Variants in OSTN observed in about 807,000 individuals in gnomAD.
OSTN encodes the protein osteocrin.
OSTN carries 9 observed loss-of-function variants against 12.0 expected under a neutral mutation model. That is an observed-to-expected ratio of 0.75 (90% CI 0.45 to 1.30). The LOEUF (loss-of-function observed/expected upper bound fraction) is 1.30, where lower values mean the gene tolerates loss of function less well. Among genes scored for constraint, OSTN ranks in the 50% most tolerant of loss-of-function variants. The pLI is 0.00. For missense variants in OSTN, 148 were observed against 152.3 expected (o/e 0.97, Z 0.15); for synonymous variants, 59 against 56.9 (o/e 1.04, Z -0.16).
At chr3:191,259,099 T>C (rs2108556784) in intron 4 of OSTN, among the ~76,000 whole-genome samples, 1 of 152,256 alleles carries the variant, frequency 6.6e-6, no homozygotes. Flanking sequence ...TTAAGGAGTG[T>C]GAGCTGTTAG....
intron 4 of OSTN, among the ~76,000 whole-genome samples, chr3:191,256,901 G>T (rs1051448401): frequency 2.6e-5 from 4 of 151,944 alleles, no homozygotes; most frequent in Non-Finnish European, 5.9e-5. Flanking sequence ...AAAAACCAAG[G>T]TTGGGTGTTG....
intron 3 of OSTN, 127 bp from the exon 4 acceptor site, chr3:191,249,910 G>T: frequency 1.5e-6 from 1 of 670,734 alleles, no homozygotes; most frequent in Non-Finnish European, 2.7e-6. Flanking sequence ...GAGTACTGGT[G>T]AGTGGGAACT....
intron 2 of OSTN, among the ~76,000 whole-genome samples, chr3:191,214,029 A>G (rs534781546): frequency 2.6e-4 from 40 of 152,308 alleles, no homozygotes; most frequent in African/African-American, 8.2e-4. Flanking sequence ...GATTTGTGCT[A>G]TAAGTAATAA....
intron 3 of OSTN, among the ~76,000 whole-genome samples, chr3:191,232,911 G>A (rs143788701): frequency 4.6e-5 from 7 of 152,066 alleles, no homozygotes; most frequent in Admixed American, 6.5e-5. Context: ...CACTGCGTTC[G>A]GTCATAAATG....
rs1196124878 is a variant in OSTN, at chr3:191,264,255, T to G, written c.*1402T>G. ...CTCAAAGAAACATAACAAAAATATATTAGAAAAAGAGTTAAACTAAGAAAT... is the reference window on the plus strand; with the variant it reads ...CTCAAAGAAACATAACAAAAATATAGTAGAAAAAGAGTTAAACTAAGAAAT... On this transcript the variant is annotated 3_prime_UTR_variant, in exon 5 of 5. Transcript: ENST00000682035. 1.3e-5 allele frequency: 2 copies of G among 151,728 alleles called. 1 individual carries two copies. Among genetic ancestry groups the G allele is most frequent in the African/African-American group, 4.9e-5 (2 of 41,138 alleles). The allele number at this position is 151,728 out of a possible 1,614,324, so 9.4% of individuals were successfully genotyped here.
In OSTN at chr3:191,232,479, T is replaced by C. The variant is rs555172326; in HGVS notation, c.317+13518T>C. Among the ~76,000 whole-genome samples, 3 of 150,012 alleles carry C rather than the reference T, an allele frequency of 2.0e-5. No homozygotes were observed. The East Asian group carries it at 5.8e-4, about 29-fold the overall frequency. On this transcript the variant is annotated intron_variant, in intron 3 of 4. Coordinates refer to ENST00000682035, the MANE Select transcript of OSTN (RefSeq NM_198184.2). ...TGTTCAGACACAACTATTACTATTA[T>C]TTTTTTCTATATTCATAAAGTAAAT...
At chr3:191,249,921 A>G (rs1715521629) in intron 3 of OSTN, 116 bp from the exon 4 acceptor site, 1 of 717,028 alleles carries the variant, frequency 1.4e-6, no homozygotes, top group East Asian at 2.6e-5. Flanking sequence ...AGTGGGAACT[A>G]TCATGTTTAT....
At chr3:191,247,334 G>A (rs577133180) in intron 3 of OSTN, among the ~76,000 whole-genome samples, 3 of 152,260 alleles carry the variant, frequency 2.0e-5, no homozygotes, top group African/African-American at 7.2e-5. Context: ...TTTTCATCAA[G>A]AAATGTAGAA....
chr3:191,212,474 G>GT (rs1714482725), intron 1 of OSTN, 59 bp from the exon 2 acceptor site: 1 of 1,195,006 alleles, frequency 8.4e-7, no homozygotes, highest in Non-Finnish European at 1.2e-6. Context: ...AGGAACTTCT[G>GT]TTTTTTGTCT....
At chr3:191,262,399 C>T (rs952520199) in intron 4 of OSTN, among the ~76,000 whole-genome samples, 4 of 152,072 alleles carry the variant, frequency 2.6e-5, no homozygotes, top group Admixed American at 1.3e-4. Context: ...TCAAATACAG[C>T]AGAAATCTTG....
At chr3:191,248,569 T>G (rs1715489163) in intron 3 of OSTN, among the ~76,000 whole-genome samples, 1 of 148,446 alleles carries the variant, frequency 6.7e-6, no homozygotes, top group Non-Finnish European at 1.5e-5. Flanking sequence ...CTGTTTAAAC[T>G]GCTGAAAATT....
intron 3 of OSTN, among the ~76,000 whole-genome samples, chr3:191,223,238 C>G (rs962721791): frequency 2.0e-5 from 3 of 152,102 alleles, no homozygotes; most frequent in Admixed American, 6.5e-5. Flanking sequence ...GCCATCTGAA[C>G]AGATTTTCAC....
At chr3:191,207,039 G>A (rs1023189069) in intron 1 of OSTN, among the ~76,000 whole-genome samples, 2 of 152,100 alleles carry the variant, frequency 1.3e-5, no homozygotes, top group African/African-American at 4.8e-5. Context: ...GTCATTTCAT[G>A]GTGTCAGAAC....
At chr3:191,250,269 TG>T (rs1715529941) in intron 4 of OSTN, 136 bp downstream of exon 4, 1 of 659,658 alleles carries the variant, frequency 1.5e-6, no homozygotes, top group Admixed American at 2.7e-5. Context: ...CAATCATTTA[TG>T]TATGCAATGA....
chr3:191,234,872 C>T (rs1715151128), intron 3 of OSTN, among the ~76,000 whole-genome samples: 1 of 152,044 alleles, frequency 6.6e-6, no homozygotes, highest in African/African-American at 2.4e-5. Flanking sequence ...TTGATCCACA[C>T]CAAAGCCAGA....
chr3:191,247,757 G>T (rs11923024), intron 3 of OSTN, among the ~76,000 whole-genome samples: 2 of 152,028 alleles, frequency 1.3e-5, no homozygotes, highest in Non-Finnish European at 2.9e-5. Flanking sequence ...ATTTTAATTA[G>T]AACTTATCAA....
At chr3:191,232,058 C>A (rs373528115) in intron 3 of OSTN, among the ~76,000 whole-genome samples, 3 of 151,604 alleles carry the variant, frequency 2.0e-5, no homozygotes, top group Non-Finnish European at 4.4e-5. Flanking sequence ...TGGCTGGGTG[C>A]GGTGGCTCAT....
intron 1 of OSTN, among the ~76,000 whole-genome samples, chr3:191,207,472 T>A (rs139455896): frequency 0.012 from 1,864 of 152,034 alleles, 16 homozygotes; most frequent in Admixed American, 0.02. Context: ...GATCAGATAC[T>A]GGCTTACATT....
intron 1 of OSTN, among the ~76,000 whole-genome samples, chr3:191,200,447 T>G (rs1032263062): frequency 6.6e-6 from 1 of 152,138 alleles, no homozygotes; most frequent in Admixed American, 6.5e-5. Context: ...GGCTATAATT[T>G]TAACTTCTTT....
Sources: gnomAD v4.1 joint callset for allele counts (sites outside exome capture counted in the v4.1 genomes callset) on GRCh38, gnomAD v4.1.1 for gene constraint, MANE v1.5 for transcripts, NCBI Gene and HGNC (gene_info 2026-07-23, HGNC 2026-07-21) for gene names.